Variants in LRRC2 observed in about 807,000 individuals in gnomAD.
LRRC2 encodes leucine-rich repeat-containing protein 2.
LRRC2 carries 27 observed loss-of-function variants against 40.2 expected under a neutral mutation model. The observed-to-expected ratio is 0.67, with a 90% CI of 0.49 to 0.93. The LOEUF (loss-of-function observed/expected upper bound fraction) is 0.93. Among genes scored for constraint, LRRC2 ranks in the 40% least tolerant of loss-of-function variants. The pLI is 0.00. For missense variants in LRRC2, 402 were observed against 439.6 expected (o/e 0.91, Z 0.76); for synonymous variants, 147 against 158.9 (o/e 0.92, Z 0.56).
intron 3 of LRRC2, among the ~76,000 whole-genome samples, chr3:46,539,733 C>T (rs540868683): frequency 4.6e-4 from 70 of 152,318 alleles, no homozygotes; most frequent in Admixed American, 1.1e-3. Context: ...TTTCCAGTCA[C>T]GCCACCTCCC....
chr3:46,523,801 A>G (rs995906283), intron 7 of LRRC2, among the ~76,000 whole-genome samples: 4 of 151,986 alleles, frequency 2.6e-5, no homozygotes, highest in African/African-American at 9.7e-5. Flanking sequence ...CCATCCACCC[A>G]TCTGTCCACC....
Position 46,524,930 on chromosome 3 carries a change from T to C in LRRC2, c.929+2496A>G, listed in dbSNP as rs149320052. ...TCTTCATACCATATGAAGTCATTCATACTTTCCCCAGTTGCTTATGAAAAT... is the reference window on the plus strand; with the variant it reads ...TCTTCATACCATATGAAGTCATTCACACTTTCCCCAGTTGCTTATGAAAAT... On this transcript the variant is annotated intron_variant, in intron 7 of 8. Transcript: ENST00000395905. Among the ~76,000 whole-genome samples the C allele has an allele frequency of 2.4e-4, 37 of 152,324 alleles. No individual in the cohort carries two copies. In the East Asian group the frequency reaches 6.8e-3, roughly 28 times the overall value.
chr3:46,527,640 A>G (rs532854468), intron 6 of LRRC2, 59 bp from the exon 7 acceptor site: 6 of 1,398,082 alleles, frequency 4.3e-6, no homozygotes, highest in Admixed American at 1.8e-5. Context: ...AAGAAAACCA[A>G]CATGAATTAC....
rs548293942 is a variant in LRRC2 at position 46,552,189 on chromosome 3, T to A, written c.-19-579A>T. The stretch of plus-strand genomic sequence containing the variant: ...CTGGGGATTCCTCAAACTTCACGGT[T>A]CCACATTGTATTAAATTCACTAGTA... On this transcript the variant is annotated intron_variant, in intron 1 of 8. Coordinates refer to ENST00000395905, the MANE Select transcript of LRRC2 (RefSeq NM_024512.5). 3.9e-5 allele frequency among the ~76,000 whole-genome samples: 6 copies of A among 152,170 alleles called. No individual in the cohort carries two copies. In the South Asian group the frequency reaches 1.2e-3, roughly 32 times the overall value.
rs78959306 is a variant in LRRC2 at position 46,553,840 on chromosome 3, A to C, written c.-19-2230T>G. ...TGTGCTCCCTATAAATGGCTTGCCAATAAGAATGGGAGAACTGGCTTATGT... is the reference window on the plus strand; with the variant it reads ...TGTGCTCCCTATAAATGGCTTGCCACTAAGAATGGGAGAACTGGCTTATGT... On this transcript the variant is annotated intron_variant, in intron 1 of 8. Coordinates refer to ENST00000395905, the MANE Select transcript of LRRC2 (RefSeq NM_024512.5). Among the ~76,000 whole-genome samples, 661 of 152,322 alleles carry C rather than the reference A, an allele frequency of 4.3e-3. 21 individuals carry two copies. In the East Asian group the frequency reaches 0.085, roughly 20 times the overall value.
At chr3:46,545,368 G>T in intron 2 of LRRC2, 115 bp from the exon 3 acceptor site, 1 of 830,468 alleles carries the variant, frequency 1.2e-6, no homozygotes, top group Admixed American at 2.2e-5. Context: ...CCAGGCCTAC[G>T]TAAGCACTCC....
At chr3:46,565,515 G>A (rs1392796883) in intron 1 of LRRC2, among the ~76,000 whole-genome samples, 1 of 152,164 alleles carries the variant, frequency 6.6e-6, no homozygotes, top group South Asian at 2.1e-4. Context: ...AGCATCCGAG[G>A]GTTTTTCCTC....
At chr3:46,551,707 TAAGG>T (rs928559982) in intron 1 of LRRC2, 97 bp from the exon 2 acceptor site, 7 of 834,070 alleles carry the variant, frequency 8.4e-6, no homozygotes, top group Non-Finnish European at 1.2e-5. Flanking sequence ...TCACTTGGCT[TAAGG>T]AATGATGATA....
chr3:46,531,841 C>G (rs528633736), intron 5 of LRRC2, among the ~76,000 whole-genome samples: 2 of 152,252 alleles, frequency 1.3e-5, no homozygotes, highest in South Asian at 2.1e-4. Flanking sequence ...TGTCCAGTGC[C>G]TTGTCACCAG....
rs995218393 is a variant in LRRC2 at position 46,517,873 on chromosome 3, C to G, written c.*1141G>C. 6.6e-6 allele frequency: 1 copy of G among 152,306 alleles called. No individual in the cohort carries two copies. The highest frequency in any genetic ancestry group is 2.4e-5 in the African/African-American group (1 of 41,472). The allele number at this position is 152,306 out of a possible 1,614,324, so 9.4% of individuals were successfully genotyped here. A position where few individuals can be genotyped will look rare whatever the true frequency, so the allele number is the denominator to read the frequency against. ...CTATGGGCAGAGTTGTCCTGTGGTACCCACAAGGAAGCCTTGCTAGGAACT... is the reference window on the plus strand; with the variant it reads ...CTATGGGCAGAGTTGTCCTGTGGTAGCCACAAGGAAGCCTTGCTAGGAACT... On this transcript the variant is annotated 3_prime_UTR_variant, in exon 9 of 9. Coordinates refer to ENST00000395905, the MANE Select transcript of LRRC2 (RefSeq NM_024512.5).
chr3:46,520,569 C>T (rs1187169946), intron 8 of LRRC2, among the ~76,000 whole-genome samples: 4 of 152,194 alleles, frequency 2.6e-5, no homozygotes, highest in Admixed American at 2.0e-4. Flanking sequence ...ATAAATGACA[C>T]TTTTCATCAT....
intron 5 of LRRC2, among the ~76,000 whole-genome samples, chr3:46,530,511 C>T (rs560117898): frequency 3.5e-4 from 54 of 152,152 alleles, no homozygotes; most frequent in African/African-American, 1.0e-3. Context: ...ACCCGGATAG[C>T]GGAGGTTGCA....
chr3:46,564,027 A>G (rs995071008), intron 1 of LRRC2, among the ~76,000 whole-genome samples: 3 of 152,250 alleles, frequency 2.0e-5, no homozygotes, highest in Admixed American at 6.5e-5. Context: ...AGTGACATTT[A>G]TGGACATTCA....
intron 1 of LRRC2, chr3:46,558,888 C>T (rs1416302000): frequency 1.3e-5 from 2 of 152,106 alleles, no homozygotes; most frequent in African/African-American, 4.8e-5. Flanking sequence ...CAAAGTTGAA[C>T]TCGTAGAAGT....
chr3:46,530,170 G>T, intron 5 of LRRC2, 120 bp from the exon 6 acceptor site: 13 of 764,588 alleles, frequency 1.7e-5, no homozygotes, highest in Non-Finnish European at 2.8e-5. Context: ...ATGCAAAGCA[G>T]ATCAATACAG....
rs1443558362 is a variant in LRRC2 at position 46,551,533 on chromosome 3, C to T, written c.59G>A (p.Arg20His). The T allele has an allele frequency of 6.8e-6, 11 of 1,614,000 alleles. No individual in the cohort carries two copies. Among genetic ancestry groups the T allele is most frequent in the Admixed American group, 3.3e-5 (2 of 59,998 alleles). Residue 20 changes from arginine (R) to histidine (H), a missense_variant, in exon 2 of 9, where the codon CGT (arginine) becomes CAT (histidine). Transcript: ENST00000395905. Reference sequence around the variant, plus strand: ...CTGCCAAGCTTTGTGCTTCTTGACACGAGTTTCCCACAAGGCTCTGATGAC... The same window carrying T: ...CTGCCAAGCTTTGTGCTTCTTGACATGAGTTTCCCACAAGGCTCTGATGAC... ...ISVIRALWET[R>H]VKKHKAWQKK...
chr3:46,547,989 C>T (rs1559417409), intron 2 of LRRC2, among the ~76,000 whole-genome samples: 1 of 152,114 alleles, frequency 6.6e-6, no homozygotes, highest in East Asian at 1.9e-4. Context: ...AGAAGCAATA[C>T]CTCCAAAATT....
At chr3:46,552,339 C>T (rs1287045052) in intron 1 of LRRC2, among the ~76,000 whole-genome samples, 5 of 151,288 alleles carry the variant, frequency 3.3e-5, no homozygotes, top group African/African-American at 1.2e-4. Flanking sequence ...TCTCTCCTCT[C>T]TCAAGTAGAA....
intron 7 of LRRC2, among the ~76,000 whole-genome samples, chr3:46,523,665 G>C (rs1575344002): frequency 6.6e-6 from 1 of 151,692 alleles, no homozygotes; most frequent in African/African-American, 2.4e-5. Context: ...ACACCTATCT[G>C]CCCAACTATC....
Sources: allele counts gnomAD v4.1 joint callset (sites outside exome capture counted in the v4.1 genomes callset), GRCh38; gene constraint gnomAD v4.1.1; transcripts MANE v1.5; gene names NCBI Gene and HGNC (gene_info 2026-07-23, HGNC 2026-07-21).